Variants in LY96 observed in about 807,000 individuals in gnomAD.
LY96 encodes the protein lymphocyte antigen 96, also known as myeloid differentiation protein-2.
A neutral mutation model predicts 18.9 loss-of-function variants in LY96; 18 were observed. The ratio of observed to expected loss-of-function variants is 0.95; its 90% confidence interval spans 0.66 to 1.41. The LOEUF (loss-of-function observed/expected upper bound fraction) is 1.41. Among genes scored for constraint, LY96 ranks in the 40% most tolerant of loss-of-function variants. The pLI is 0.00. For missense variants in LY96, 175 were observed against 182.4 expected (o/e 0.96, Z 0.23); for synonymous variants, 66 against 62.6 (o/e 1.06, Z -0.26).
intron 1 of LY96, among the ~76,000 whole-genome samples, chr8:73,994,936 T>C (rs1208747378): frequency 6.6e-6 from 1 of 152,202 alleles, no homozygotes; most frequent in Non-Finnish European, 1.5e-5. Context: ...CCTCTCTCCT[T>C]GGCTTACTGC....
the LY96 span, among the ~76,000 whole-genome samples, chr8:74,060,569 G>T: frequency 6.6e-6 from 1 of 152,308 alleles, no homozygotes; most frequent in Non-Finnish European, 1.5e-5. Context: ...CACATAATAG[G>T]TGTTCGATAA....
intron 2 of LY96, among the ~76,000 whole-genome samples, chr8:74,009,486 C>T (rs996382904): frequency 4.0e-5 from 6 of 150,844 alleles, no homozygotes; most frequent in African/African-American, 1.5e-4. Flanking sequence ...GAGAAAAATG[C>T]ATTGATTACT....
At chr8:74,030,317 A>G (rs1816949138), downstream of LY96, among the ~76,000 whole-genome samples, 1 of 152,150 alleles carries the variant, frequency 6.6e-6, no homozygotes, top group South Asian at 2.1e-4. Flanking sequence ...GTTTGAGACC[A>G]GCCTGGCCAA....
the LY96 span, among the ~76,000 whole-genome samples, chr8:74,038,066 A>AT: frequency 2.0e-5 from 3 of 152,132 alleles, no homozygotes; most frequent in African/African-American, 7.2e-5. Context: ...ACATGAGAAA[A>AT]TTTTTTTAAA....
chr8:74,024,276 T>C (rs1816824708), intron 3 of LY96, among the ~76,000 whole-genome samples: 1 of 151,658 alleles, frequency 6.6e-6, no homozygotes, highest in African/African-American at 2.4e-5. Flanking sequence ...TGAAATATGA[T>C]TCAATTTGTG....
the LY96 span, among the ~76,000 whole-genome samples, chr8:74,072,856 G>C: frequency 6.6e-6 from 1 of 152,328 alleles, no homozygotes; most frequent in Non-Finnish European, 1.5e-5. Flanking sequence ...CAGGAGTTCA[G>C]AGGTGAGCAT....
chr8:74,039,642 CA>C, the LY96 span, among the ~76,000 whole-genome samples: 1 of 152,116 alleles, frequency 6.6e-6, no homozygotes. Context: ...GATCATAGGA[CA>C]GGGGGCCCTT....
At chr8:74,056,474 T>A in the LY96 span, 1 of 163,120 alleles carries the variant, frequency 6.1e-6, no homozygotes, top group African/African-American at 2.4e-5. Flanking sequence ...AGTTACCCTG[T>A]CCATGAGGTC....
chr8:74,054,329 A>C, the LY96 span, among the ~76,000 whole-genome samples: 4 of 151,918 alleles, frequency 2.6e-5, no homozygotes, highest in African/African-American at 9.7e-5. Context: ...TGCTTGGCCA[A>C]CTTCTTTTTA....
the LY96 span, among the ~76,000 whole-genome samples, chr8:74,043,149 C>T: frequency 4.6e-5 from 7 of 152,290 alleles, no homozygotes; most frequent in Middle Eastern, 3.4e-3. Context: ...CATTCACCAA[C>T]GCTTAATGTC....
the LY96 span, among the ~76,000 whole-genome samples, chr8:74,076,316 C>G: frequency 6.6e-6 from 1 of 151,568 alleles, no homozygotes; most frequent in Non-Finnish European, 1.5e-5. Context: ...TTCCAACAAA[C>G]AACCAAGACA....
At chr8:74,019,593 C>A (rs964227574) in intron 3 of LY96, among the ~76,000 whole-genome samples, 1 of 152,122 alleles carries the variant, frequency 6.6e-6, no homozygotes, top group Non-Finnish European at 1.5e-5. Flanking sequence ...ATCCTGATAC[C>A]AAAGCCTGGC....
chr8:74,038,423 T>C, the LY96 span, among the ~76,000 whole-genome samples: 1 of 152,238 alleles, frequency 6.6e-6, no homozygotes, highest in Non-Finnish European at 1.5e-5. Context: ...TTAGCTCTTA[T>C]AAATAAGTGA....
the LY96 span, among the ~76,000 whole-genome samples, chr8:74,067,947 G>C: frequency 6.7e-6 from 1 of 150,226 alleles, no homozygotes. Context: ...TGTAATCCCA[G>C]CTACTAGGGA....
the LY96 span, among the ~76,000 whole-genome samples, chr8:74,034,516 A>C: frequency 6.6e-6 from 1 of 152,154 alleles, no homozygotes; most frequent in Non-Finnish European, 1.5e-5. Flanking sequence ...TTCTCTAAAG[A>C]GTGCCAGGTT....
chr8:74,021,344 A>G (rs113066143), intron 3 of LY96, among the ~76,000 whole-genome samples: 27,313 of 152,238 alleles, frequency 0.18, 2,780 homozygotes, highest in African/African-American at 0.29. Flanking sequence ...TGGTCATCAG[A>G]GAAATGCAAA....
At chr8:74,044,365 T>G in the LY96 span, among the ~76,000 whole-genome samples, 2 of 151,944 alleles carry the variant, frequency 1.3e-5, no homozygotes. Flanking sequence ...AAAAAAAAAT[T>G]TATTTTGTAG....
chr8:73,994,631 C>T (rs895164208), intron 1 of LY96, among the ~76,000 whole-genome samples: 3 of 151,616 alleles, frequency 2.0e-5, no homozygotes, highest in African/African-American at 7.3e-5. Context: ...GGACTACAGG[C>T]GTGCACCACC....
the LY96 span, among the ~76,000 whole-genome samples, chr8:74,053,397 T>C: frequency 2.0e-5 from 3 of 152,336 alleles, no homozygotes; most frequent in Non-Finnish European, 2.9e-5. Context: ...AGTCATTGCA[T>C]TGAAGCCCTG....
Sources: gnomAD v4.1 joint callset for allele counts (sites outside exome capture counted in the v4.1 genomes callset) on GRCh38, gnomAD v4.1.1 for gene constraint, MANE v1.5 for transcripts, NCBI Gene and HGNC (gene_info 2026-07-23, HGNC 2026-07-21) for gene names.